ITGA9: variants seen among roughly 807,000 people sequenced by gnomAD.
ITGA9 encodes the protein integrin alpha-9.
In ITGA9, 56 loss-of-function variants were observed where a neutral mutation model predicts 127.8. The ratio of observed to expected loss-of-function variants is 0.44; its 90% CI spans 0.35 to 0.55. The LOEUF is 0.55. Among genes scored for constraint, ITGA9 ranks in the 20% least tolerant of loss-of-function variants. The pLI is 0.00. For synonymous variants in ITGA9, 508 were observed against 514.5 expected, an observed-to-expected ratio of 0.99 and a Z score of 0.17; for missense variants, 1,196 against 1,347.1, an observed-to-expected ratio of 0.89 and a Z score of 1.76.
At chr3:37,691,474 C>T (rs1194216447) in intron 18 of ITGA9, among the ~76,000 whole-genome samples, 1 of 152,164 alleles carries the variant, frequency 6.6e-6, no homozygotes, top group East Asian at 1.9e-4. Context: ...CTCACAGCAG[C>T]ATTCAGTGGT....
intron 23 of ITGA9, among the ~76,000 whole-genome samples, chr3:37,764,432 C>T (rs1246849470): frequency 3.2e-5 from 4 of 124,136 alleles, no homozygotes; most frequent in Admixed American, 1.0e-4. Flanking sequence ...ATAATTTATC[C>T]GTATAATGCT....
chr3:37,774,270 A>G (rs1329363690), intron 23 of ITGA9, among the ~76,000 whole-genome samples: 1 of 152,250 alleles, frequency 6.6e-6, no homozygotes, highest in African/African-American at 2.4e-5. Flanking sequence ...AGGAATAATT[A>G]CCAAATCTTC....
intron 15 of ITGA9, among the ~76,000 whole-genome samples, chr3:37,614,782 A>T (rs1700058020): frequency 6.6e-6 from 1 of 152,060 alleles, no homozygotes. Flanking sequence ...TTATTGGTGT[A>T]TAAGAATGCT....
At chr3:37,487,964 C>T (rs937941676) in intron 4 of ITGA9, among the ~76,000 whole-genome samples, 4 of 152,264 alleles carry the variant, frequency 2.6e-5, no homozygotes, top group Non-Finnish European at 4.4e-5. Context: ...AGAGGGCAGA[C>T]GTGGGTCCTC....
At chr3:37,661,421 T>C (rs1242592575) in intron 17 of ITGA9, among the ~76,000 whole-genome samples, 1 of 152,104 alleles carries the variant, frequency 6.6e-6, no homozygotes, top group East Asian at 1.9e-4. Context: ...TTTGGGCCCA[T>C]AGCTGTTCTC....
At position 37,803,904 on chromosome 3, in the gene ITGA9, A is replaced by T. The variant is rs1311171177; in HGVS notation, c.2971A>T (p.Ile991Phe). 6.2e-7 allele frequency: 1 copy of T among 1,614,146 alleles called. No individual in the cohort carries two copies. Among genetic ancestry groups the T allele is most frequent in the South Asian group, 1.1e-5 (1 of 91,080 alleles). ...CATCGCCATCAGTTTGTTGGTGGGA[A>T]TCCTCATCTTCCTGCTGCTGGCCGT... The part of the protein sequence containing the change: ...WIIAISLLVG[I>F]LIFLLLAVLL... The change falls in exon 27 of 28, where the codon ATC becomes TTC. Residue 991 changes from isoleucine (I) to phenylalanine (F), a missense_variant. Physicochemically the swap from Ile to Phe is conservative, Grantham distance 21. Coordinates refer to ENST00000264741, the MANE Select transcript of ITGA9 (RefSeq NM_002207.3).
intron 22 of ITGA9, among the ~76,000 whole-genome samples, chr3:37,746,701 GCTA>G (rs1360431319): frequency 5.3e-5 from 8 of 152,108 alleles, no homozygotes; most frequent in Admixed American, 1.3e-4. Flanking sequence ...AGTTATTTCA[GCTA>G]TGGTCAGATA....
chr3:37,623,753 G>A (rs546431708), intron 15 of ITGA9, among the ~76,000 whole-genome samples: 37 of 151,994 alleles, frequency 2.4e-4, no homozygotes, highest in African/African-American at 8.9e-4. Flanking sequence ...GACGGTTTCA[G>A]TAAGTTACTC....
chr3:37,482,020 C>T (rs1307639461), intron 4 of ITGA9, among the ~76,000 whole-genome samples: 2 of 152,202 alleles, frequency 1.3e-5, no homozygotes, highest in African/African-American at 4.8e-5. Flanking sequence ...CAGTGGTTGG[C>T]CCAGATGATC....
intron 15 of ITGA9, among the ~76,000 whole-genome samples, chr3:37,617,688 C>G (rs1010046548): frequency 6.6e-6 from 1 of 152,128 alleles, no homozygotes; most frequent in Non-Finnish European, 1.5e-5. Flanking sequence ...CTCTAAACTT[C>G]TCTTCTTGCT....
intron 1 of ITGA9, among the ~76,000 whole-genome samples, chr3:37,465,515 T>C (rs1388259675): frequency 6.6e-6 from 1 of 152,160 alleles, no homozygotes; most frequent in Non-Finnish European, 1.5e-5. Flanking sequence ...GGAAAACACA[T>C]GAGAGGCTGC....
chr3:37,477,824 G>A (rs1010815808), intron 3 of ITGA9, among the ~76,000 whole-genome samples: 1 of 152,010 alleles, frequency 6.6e-6, no homozygotes, highest in Non-Finnish European at 1.5e-5. Context: ...GATTATTTTT[G>A]TGCAGAAGCA....
intron 1 of ITGA9, among the ~76,000 whole-genome samples, chr3:37,453,121 C>G (rs5022384): frequency 0.44 from 62,058 of 141,170 alleles, 14,115 homozygotes; most frequent in Non-Finnish European, 0.48. Context: ...CGGCGCCCCC[C>G]CCCCCCCCCA....
In ITGA9 at chr3:37,513,910, A is replaced by G. The variant is rs768569810; in HGVS notation, c.1035+10A>G. 5.5e-5 allele frequency: 89 copies of G among 1,612,698 alleles called. No individual in the cohort carries two copies. The highest frequency in any genetic ancestry group is 6.9e-5 in the Non-Finnish European group (82 of 1,179,936). On this transcript the variant is annotated intron_variant, in intron 9 of 27. Transcript: ENST00000264741. The stretch of plus-strand genomic sequence containing the variant: ...CATCAACAGAGGAAATGTGAGTACA[A>G]TACTGGGCAATGTGCGGATGGGTGT...
At position 37,822,832 on chromosome 3, in the gene ITGA9, G is replaced by T. The variant is rs1484713806; in HGVS notation, c.*3843G>T. On this transcript the variant is annotated 3_prime_UTR_variant, in exon 28 of 28. Transcript: ENST00000264741. Reference sequence around the variant, plus strand: ...ATTATGGCCAGGTGCATGCAGTTATGTCTGGGTTACGTGTGAAACGTACAT... The same window carrying T: ...ATTATGGCCAGGTGCATGCAGTTATTTCTGGGTTACGTGTGAAACGTACAT... The T allele has an allele frequency of 6.6e-6, 1 of 152,188 alleles. No individual in the cohort carries two copies. The highest frequency in any genetic ancestry group is 2.4e-5 in the African/African-American group (1 of 41,436). The allele number at this position is 152,188 out of a possible 1,614,324, so 9.4% of individuals were successfully genotyped here.
intron 15 of ITGA9, among the ~76,000 whole-genome samples, chr3:37,589,850 G>T (rs1699797611): frequency 6.6e-6 from 1 of 152,024 alleles, no homozygotes; most frequent in African/African-American, 2.4e-5. Context: ...AAAGGACTTG[G>T]CTTTTACTCA....
intron 18 of ITGA9, among the ~76,000 whole-genome samples, chr3:37,728,626 G>C (rs1053552759): frequency 6.6e-6 from 1 of 152,076 alleles, no homozygotes; most frequent in African/African-American, 2.4e-5. Context: ...CTGCAGTCAG[G>C]ACTGTTTTCT....
chr3:37,480,319 T>C (rs80091028), intron 3 of ITGA9, among the ~76,000 whole-genome samples: 19,566 of 152,144 alleles, frequency 0.13, 1,273 homozygotes, highest in Middle Eastern at 0.18. Flanking sequence ...TGCCTCATGG[T>C]GTCTTGCGTG....
chr3:37,650,153 G>A (rs1403111391), intron 16 of ITGA9, among the ~76,000 whole-genome samples: 3 of 152,114 alleles, frequency 2.0e-5, no homozygotes, highest in Non-Finnish European at 4.4e-5. Context: ...TAAATTCTAA[G>A]AACAAATGCC....
Sources: gnomAD v4.1 joint callset for allele counts (sites outside exome capture counted in the v4.1 genomes callset) on GRCh38, gnomAD v4.1.1 for gene constraint, MANE v1.5 for transcripts, NCBI Gene and HGNC (gene_info 2026-07-23, HGNC 2026-07-21) for gene names.